COL15A1: variants seen among roughly 807,000 people sequenced by gnomAD.
The protein encoded by COL15A1 is collagen alpha-1(XV) chain.
COL15A1 carries 111 observed loss-of-function variants against 165.9 expected under a neutral mutation model. The ratio of observed to expected loss-of-function variants is 0.67; its 90% CI spans 0.57 to 0.78. The LOEUF (loss-of-function observed/expected upper bound fraction) is 0.78. Among genes scored for constraint, COL15A1 ranks in the 30% least tolerant of loss-of-function variants. The pLI is 0.00. For missense variants in COL15A1, 1,745 were observed against 1,789.7 expected (o/e 0.98, Z 0.45); for synonymous variants, 659 against 674.8 (o/e 0.98, Z 0.36).
intron 35 of COL15A1, among the ~76,000 whole-genome samples, 156 bp from the exon 36 acceptor site, chr9:99,059,733 G>A (rs1027929109): frequency 6.6e-6 from 1 of 152,200 alleles, no homozygotes; most frequent in African/African-American, 2.4e-5. Context: ...TAAGTCACAC[G>A]CTGGGGGCAC....
intron 16 of COL15A1, among the ~76,000 whole-genome samples, chr9:99,027,759 C>T (rs7022519): frequency 0.062 from 9,370 of 152,236 alleles, 696 homozygotes; most frequent in African/African-American, 0.16. Context: ...GCACTGTGCA[C>T]ATATGAGGTT....
intron 34 of COL15A1, 151 bp downstream of exon 34, chr9:99,055,523 T>C: frequency 1.6e-6 from 1 of 614,818 alleles, no homozygotes. Flanking sequence ...TCCTTGTTGA[T>C]TGATGGGCAG....
chr9:99,066,619 T>TTTTTTTTTTTTTTTTTTTTG (rs1564098587), intron 39 of COL15A1, among the ~76,000 whole-genome samples: 1 of 141,336 alleles, frequency 7.1e-6, no homozygotes, highest in Non-Finnish European at 1.5e-5. Flanking sequence ...TTTTTTTTTT[T>TTTTTTTTTTTTTTTTTTTTG]TTTTTCACCT....
intron 35 of COL15A1, among the ~76,000 whole-genome samples, chr9:99,059,445 C>T (rs962652897): frequency 2.0e-5 from 3 of 152,234 alleles, no homozygotes; most frequent in African/African-American, 7.2e-5. Context: ...ACTGTCACTG[C>T]ACCACCCTGG....
intron 9 of COL15A1, among the ~76,000 whole-genome samples, chr9:99,010,764 C>T (rs1017353487): frequency 2.0e-5 from 3 of 152,106 alleles, no homozygotes; most frequent in African/African-American, 7.2e-5. Context: ...ACGTAATAAC[C>T]TTAATTAAAA....
chr9:99,059,861 G>A (rs189713269), intron 35 of COL15A1, 28 bp from the exon 36 acceptor site: 187 of 1,611,656 alleles, frequency 1.2e-4, no homozygotes, highest in East Asian at 8.9e-5. Context: ...TGGTTTTTGT[G>A]TAACTTCTCT....
chr9:98,997,862 C>A (rs1037815049), intron 6 of COL15A1: 8 of 152,266 alleles, frequency 5.3e-5, no homozygotes, highest in African/African-American at 1.9e-4. Context: ...GAGGGGCCGT[C>A]ACTTCAGACT....
chr9:98,986,147 G>A (rs748577355), intron 3 of COL15A1, 35 bp downstream of exon 3: 5 of 1,540,670 alleles, frequency 3.2e-6, no homozygotes, highest in Non-Finnish European at 3.6e-6. Context: ...AGATCAGGGA[G>A]GTGGATGAAC....
intron 2 of COL15A1, among the ~76,000 whole-genome samples, chr9:98,964,098 C>T (rs994294560): frequency 6.6e-6 from 1 of 152,232 alleles, no homozygotes; most frequent in Non-Finnish European, 1.5e-5. Context: ...CGTGGCTGAG[C>T]AGGGACTTAC....
chr9:98,974,532 G>A (rs1032972257), intron 2 of COL15A1, among the ~76,000 whole-genome samples: 4 of 152,322 alleles, frequency 2.6e-5, no homozygotes, highest in Admixed American at 6.5e-5. Flanking sequence ...TGGCTTCTCC[G>A]ACGGTCTGCC....
intron 12 of COL15A1, among the ~76,000 whole-genome samples, chr9:99,021,059 C>T (rs1839018729): frequency 6.6e-6 from 1 of 152,222 alleles, no homozygotes; most frequent in Admixed American, 6.5e-5. Context: ...ATAAGCTGTT[C>T]CCAGGGGGAT....
chr9:98,947,697 C>G (rs1837607489), intron 2 of COL15A1, among the ~76,000 whole-genome samples: 1 of 152,134 alleles, frequency 6.6e-6, no homozygotes, highest in African/African-American at 2.4e-5. Context: ...GAAAATGGGT[C>G]CAGAGTTCTG....
chr9:99,018,831 C>T (rs1236169809), intron 11 of COL15A1, among the ~76,000 whole-genome samples: 1 of 152,014 alleles, frequency 6.6e-6, no homozygotes, highest in East Asian at 1.9e-4. Context: ...AAGGAAATAC[C>T]CTCTGTAAAT....
At chr9:99,040,415 G>A in intron 22 of COL15A1, 106 bp from the exon 23 acceptor site, 1 of 1,570,132 alleles carries the variant, frequency 6.4e-7, no homozygotes, top group Non-Finnish European at 8.8e-7. Context: ...CTTCCCAGCT[G>A]TGGGAACATG....
intron 2 of COL15A1, among the ~76,000 whole-genome samples, chr9:98,964,641 A>G (rs1337101472): frequency 1.3e-5 from 2 of 152,178 alleles, no homozygotes; most frequent in Non-Finnish European, 2.9e-5. Context: ...ATTCCTTTCT[A>G]CATTGGGTAC....
At chr9:99,022,226 G>T in intron 13 of COL15A1, 76 bp downstream of exon 13, 1 of 1,595,260 alleles carries the variant, frequency 6.3e-7, no homozygotes, top group Non-Finnish European at 8.6e-7. Flanking sequence ...ACAGGCTGAG[G>T]ACTCTCCTTT....
intron 15 of COL15A1, among the ~76,000 whole-genome samples, chr9:99,025,222 T>C (rs1305858551): frequency 6.6e-6 from 1 of 152,258 alleles, no homozygotes; most frequent in Non-Finnish European, 1.5e-5. Flanking sequence ...TGCTGCTTTA[T>C]CATAGTCAAT....
chr9:99,052,273 C>A, intron 30 of COL15A1, 115 bp from the exon 31 acceptor site: 1 of 791,422 alleles, frequency 1.3e-6, no homozygotes, highest in Non-Finnish European at 2.2e-6. Flanking sequence ...CAAAGGAAGG[C>A]CTGACTCTGT....
chr9:98,983,167 C>T (rs780694935), intron 2 of COL15A1, among the ~76,000 whole-genome samples: 3 of 152,094 alleles, frequency 2.0e-5, no homozygotes, highest in Non-Finnish European at 2.9e-5. Flanking sequence ...GAGGTTAGTA[C>T]TGGCGGTGAG....
Sources: allele counts gnomAD v4.1 joint callset (sites outside exome capture counted in the v4.1 genomes callset), GRCh38; gene constraint gnomAD v4.1.1; transcripts MANE v1.5; gene names NCBI Gene and HGNC (gene_info 2026-07-23, HGNC 2026-07-21).